CSMD2: variants seen among roughly 807,000 people sequenced by gnomAD.
CSMD2 encodes CUB and Sushi multiple domains 2, also known as CUB and sushi domain-containing protein 2.
A neutral mutation model predicts 398.5 loss-of-function variants in CSMD2; 130 were observed. That is an observed-to-expected ratio of 0.33 (90% confidence interval 0.28 to 0.38). The LOEUF is 0.38. Ranked by LOEUF, CSMD2 falls within the 10% of genes least tolerant of loss-of-function variation. CSMD2 has a pLI of 1.00. For missense variants in CSMD2, 3,829 were observed against 4,764.9 expected, an observed-to-expected ratio of 0.80 and a Z score of 5.78; for synonymous variants, 1,828 against 1,908.5, an observed-to-expected ratio of 0.96 and a Z score of 1.10.
At chr1:33,983,874 C>T (rs922063021) in intron 3 of CSMD2, among the ~76,000 whole-genome samples, 67 of 152,166 alleles carry the variant, frequency 4.4e-4, no homozygotes, top group Admixed American at 8.5e-4. Context: ...GGACATAGGC[C>T]GGGTGCAGTG....
At chr1:33,863,896 C>A (rs1213535841) in intron 5 of CSMD2, 2 of 313,948 alleles carry the variant, frequency 6.4e-6, no homozygotes, top group Non-Finnish European at 1.2e-5. Context: ...ATGAATGAAC[C>A]ATCATCTTTC....
At position 33,633,542 on chromosome 1, in the gene CSMD2, A is replaced by AG; in HGVS notation, c.5087-8dup. 1 of 1,543,530 alleles carries AG rather than the reference A, an allele frequency of 6.5e-7. No homozygotes were observed. The highest frequency in any genetic ancestry group is 8.8e-7 in the Non-Finnish European group (1 of 1,139,446). Reference sequence around the variant, plus strand: ...GCGAACTGGCCAAACACCACTGTGGAGGAGACACAGTGTGGGGACTGGGCA... The same window carrying AG: ...GCGAACTGGCCAAACACCACTGTGGAGGGAGACACAGTGTGGGGACTGGGCA... On this transcript the variant is annotated splice_polypyrimidine_tract_variant and splice_region_variant and intron_variant, in intron 31 of 70. Transcript: ENST00000373381. The surrounding 1 kb of genome is among the most constrained non-coding windows in gnomAD (Gnocchi z 5.0).
intron 13 of CSMD2, among the ~76,000 whole-genome samples, chr1:33,757,945 C>A (rs1649272071): frequency 6.6e-6 from 1 of 152,160 alleles, no homozygotes; most frequent in South Asian, 2.1e-4. Context: ...CATTTTGAAT[C>A]CATCCTCCAT....
At chr1:33,758,648 T>C (rs2149294756) in intron 13 of CSMD2, among the ~76,000 whole-genome samples, 1 of 152,364 alleles carries the variant, frequency 6.6e-6, no homozygotes, top group East Asian at 1.9e-4. Context: ...TAGATCATAC[T>C]AATTGTTCAC....
At chr1:33,864,296 T>C (rs911218) in intron 5 of CSMD2, 1,544,933 of 1,614,026 alleles carry the variant, frequency 0.96, 739,670 homozygotes, top group East Asian at 1. Context: ...CAAATACCTA[T>C]GTTGGCTTTA....
chr1:34,047,721 C>A (rs1652692907), intron 2 of CSMD2, among the ~76,000 whole-genome samples: 1 of 152,164 alleles, frequency 6.6e-6, no homozygotes, highest in Admixed American at 6.5e-5. Context: ...CCAGCCTGAG[C>A]TGATCTAAAA....
intron 13 of CSMD2, among the ~76,000 whole-genome samples, chr1:33,770,235 G>T (rs115829274): frequency 0.018 from 2,814 of 152,330 alleles, 36 homozygotes; most frequent in South Asian, 0.028. Context: ...CTATTGGATA[G>T]GTCAGTACAT....
intron 7 of CSMD2, among the ~76,000 whole-genome samples, chr1:33,821,332 GA>G (rs1481876939): frequency 2.0e-5 from 3 of 152,198 alleles, no homozygotes; most frequent in Admixed American, 2.0e-4. Flanking sequence ...ACACAGTAGG[GA>G]GGGTAGGCAA....
intron 9 of CSMD2, among the ~76,000 whole-genome samples, chr1:33,818,524 A>G (rs1425502980): frequency 6.6e-6 from 1 of 152,262 alleles, no homozygotes; most frequent in Non-Finnish European, 1.5e-5. Context: ...TTTGGAGGTA[A>G]GAAAGGCTTA....
intron 41 of CSMD2, among the ~76,000 whole-genome samples, chr1:33,607,916 T>C (rs1176933005): frequency 6.6e-6 from 1 of 152,148 alleles, no homozygotes; most frequent in Non-Finnish European, 1.5e-5. Flanking sequence ...GAGCTGGGTG[T>C]CTGAAGGCAA....
In CSMD2 at chr1:33,614,690, G is replaced by A. The variant is rs892102406; in HGVS notation, c.6017-70C>T. On this transcript the variant is annotated intron_variant, in intron 39 of 70. Coordinates refer to ENST00000373381, the MANE Select transcript of CSMD2 (RefSeq NM_001281956.2). ...GTGTACAGGGCCCTGCCAATGTTTG[G>A]AAGCTCCCTTCAAGCAGCAGTTTTT... is the stretch of plus-strand genomic sequence containing the variant. The A allele has an allele frequency of 1.8e-5, 15 of 835,712 alleles. No homozygotes were observed. In the African/African-American group the frequency reaches 2.0e-4, roughly 11 times the overall value. The allele number at this position is 835,712 out of a possible 1,614,324, so 51.8% of individuals were successfully genotyped here.
chr1:34,068,925 G>A (rs573485474), intron 2 of CSMD2, among the ~76,000 whole-genome samples: 1 of 152,164 alleles, frequency 6.6e-6, no homozygotes, highest in Non-Finnish European at 1.5e-5. Context: ...TTATTGTGAG[G>A]CCTCCTCAGC....
intron 2 of CSMD2, among the ~76,000 whole-genome samples, chr1:34,059,204 G>A (rs760087299): frequency 7.9e-5 from 12 of 152,172 alleles, no homozygotes; most frequent in East Asian, 1.9e-4. Context: ...GCAAAAGGAT[G>A]GAGCTATCAG....
intron 1 of CSMD2, among the ~76,000 whole-genome samples, chr1:34,102,996 G>T (rs183092683): frequency 4.6e-4 from 70 of 152,248 alleles, no homozygotes; most frequent in African/African-American, 1.6e-3. Context: ...CTAGCTCGCA[G>T]ACCTGAACCT....
In CSMD2 at chr1:33,586,392, T is replaced by G. The variant is rs546543630; in HGVS notation, c.7051+112A>C. ...ACAACATTTACCAAGTGACCTTTCA[T>G]GTTATGGGGCAGTGACTGAGCTGAG... On this transcript the variant is annotated intron_variant, in intron 46 of 70. Transcript: ENST00000373381. 2.1e-5 allele frequency: 14 copies of G among 667,312 alleles called. No individual in the cohort carries two copies. The African/African-American group carries it at 2.3e-4, about 11-fold the overall frequency. 41.3% of individuals were successfully genotyped at this position (667,312 alleles called of 1,614,324 possible). A position where few individuals can be genotyped will look rare whatever the true frequency, so the allele number is the denominator to read the frequency against.
At chr1:34,036,285 C>T (rs978580772) in intron 2 of CSMD2, among the ~76,000 whole-genome samples, 1 of 152,070 alleles carries the variant, frequency 6.6e-6, no homozygotes, top group African/African-American at 2.4e-5. Context: ...AGGTGAATGA[C>T]TAAACAAACT....
intron 13 of CSMD2, among the ~76,000 whole-genome samples, chr1:33,746,753 C>T (rs1647438793): frequency 6.6e-6 from 1 of 152,182 alleles, no homozygotes; most frequent in Admixed American, 6.5e-5. Context: ...AGGTGCTCAA[C>T]CAATATTTGC....
At chr1:33,567,540 A>T in intron 53 of CSMD2, 53 bp downstream of exon 53, 1 of 1,583,958 alleles carries the variant, frequency 6.3e-7, no homozygotes, top group South Asian at 1.1e-5. Flanking sequence ...ACAGGGAGAA[A>T]GTCCATGTTG....
chr1:33,614,109 T>G (rs1641227853), intron 40 of CSMD2, among the ~76,000 whole-genome samples: 1 of 152,106 alleles, frequency 6.6e-6, no homozygotes, highest in African/African-American at 2.4e-5. Context: ...CAACTTGAGG[T>G]CCAGTCTCTG....
Sources: allele counts gnomAD v4.1 joint callset (sites outside exome capture counted in the v4.1 genomes callset), GRCh38; gene constraint gnomAD v4.1.1; non-coding constraint Gnocchi (gnomAD v3.1); transcripts MANE v1.5; gene names NCBI Gene and HGNC (gene_info 2026-07-23, HGNC 2026-07-21).